Variants in SCN4B observed in about 807,000 individuals in gnomAD.
SCN4B encodes sodium channel regulatory subunit beta-4.
A neutral mutation model predicts 19.6 loss-of-function variants in SCN4B; 20 were observed. The ratio of observed to expected loss-of-function variants is 1.02; its 90% CI spans 0.72 to 1.48. SCN4B has a LOEUF of 1.48. Among genes scored for constraint, SCN4B ranks in the 40% most tolerant of loss-of-function variants. The pLI, the probability that SCN4B is intolerant of heterozygous loss-of-function variation, is 0.00. For synonymous variants in SCN4B, 127 were observed against 122.8 expected (o/e 1.03, Z -0.22); for missense variants, 271 against 287.5 (o/e 0.94, Z 0.42).
At chr11:118,137,925 G>A (rs1948040618) in intron 4 of SCN4B, among the ~76,000 whole-genome samples, 1 of 152,192 alleles carries the variant, frequency 6.6e-6, no homozygotes, top group South Asian at 2.1e-4. Flanking sequence ...CATGGAAGGG[G>A]CAGAGCAGGC....
intron 4 of SCN4B, among the ~76,000 whole-genome samples, chr11:118,139,889 TTTTTTTTTTTTCTTTTTTC>T (rs1948072030): frequency 1.6e-5 from 1 of 62,434 alleles, no homozygotes; most frequent in Non-Finnish European, 2.8e-5. Flanking sequence ...CTAGCATTCC[TTTTTTTTTTTTCTTTTTTC>T]TTTTTTTTTT....
chr11:118,149,290 G>C (rs1167581673), intron 1 of SCN4B, among the ~76,000 whole-genome samples: 1 of 152,196 alleles, frequency 6.6e-6, no homozygotes, highest in Admixed American at 6.5e-5. Context: ...AGGAAAGAGG[G>C]GCAGGCTGGT....
chr11:118,145,543 C>T (rs922383532), intron 1 of SCN4B: 2 of 1,175,838 alleles, frequency 1.7e-6, no homozygotes, highest in African/African-American at 1.6e-5. Context: ...GCCCCGGCTC[C>T]GCCCCTCACC....
Position 118,134,362 on chromosome 11 carries a change from C to T in SCN4B, c.*2665G>A, listed in dbSNP as rs771586041. On this transcript the variant is annotated 3_prime_UTR_variant, in exon 5 of 5. Coordinates refer to ENST00000324727, the MANE Select transcript of SCN4B (RefSeq NM_174934.4). Reference sequence around the variant, plus strand: ...TCTAGCCCACAAGCCCTGGAAGCCACCATCAGAGATTTGCATGCACTGAGG... The same window carrying T: ...TCTAGCCCACAAGCCCTGGAAGCCATCATCAGAGATTTGCATGCACTGAGG... 2.2e-6 allele frequency: 1 copy of T among 453,956 alleles called. No homozygotes were observed. The highest frequency in any genetic ancestry group is 2.3e-5 in the Admixed American group (1 of 42,556). 28.1% of individuals were successfully genotyped at this position (453,956 alleles called of 1,614,324 possible). A position where few individuals can be genotyped will look rare whatever the true frequency, so the allele number is the denominator to read the frequency against.
intron 2 of SCN4B, 90 bp downstream of exon 2, chr11:118,144,967 G>T: frequency 7.6e-7 from 1 of 1,315,116 alleles, no homozygotes; most frequent in Non-Finnish European, 1.1e-6. Flanking sequence ...GACCATCGCA[G>T]TGGGTCTCAG....
At chr11:118,145,021 A>G in intron 2 of SCN4B, 36 bp downstream of exon 2, 1 of 1,605,574 alleles carries the variant, frequency 6.2e-7, no homozygotes, top group South Asian at 1.1e-5. Flanking sequence ...TGGGTGAGGG[A>G]GGCTGGGCTG....
At chr11:118,139,467 AC>A in intron 4 of SCN4B, among the ~76,000 whole-genome samples, 1 of 152,306 alleles carries the variant, frequency 6.6e-6, no homozygotes, top group Admixed American at 6.5e-5. Context: ...TTATTTGTAT[AC>A]ACATTTATTT....
At chr11:118,150,635 T>G (rs892213926) in intron 1 of SCN4B, among the ~76,000 whole-genome samples, 41 of 152,166 alleles carry the variant, frequency 2.7e-4, no homozygotes, top group Non-Finnish European at 1.0e-4. Flanking sequence ...CAAGTCACCA[T>G]CCCTCTCTGG....
At chr11:118,149,464 C>T (rs563600199) in intron 1 of SCN4B, among the ~76,000 whole-genome samples, 1 of 152,304 alleles carries the variant, frequency 6.6e-6, no homozygotes, top group South Asian at 2.1e-4. Context: ...CAGGACCCCT[C>T]CTGGGGTGCA....
Position 118,135,751 on chromosome 11 carries a change from G to C in SCN4B, c.*1276C>G. ...GTTATGTCAGGACATACCGTCTAGA[G>C]AGGATGGGGGTAAGGGCTAGGATTC... On this transcript the variant is annotated 3_prime_UTR_variant, in exon 5 of 5. Transcript: ENST00000324727. The C allele has an allele frequency of 2.2e-6, 1 of 454,512 alleles. No homozygotes were observed. The highest frequency in any genetic ancestry group is 4.4e-6 in the Non-Finnish European group (1 of 226,788). 28.2% of individuals were successfully genotyped at this position (454,512 alleles called of 1,614,324 possible).
chr11:118,152,657 T>C lies in SCN4B; in HGVS notation c.17A>G (p.Asp6Gly). ...CCATCTCGCCGGGGCTTTGCCTCCGTCCCCAGCCCCGGGCATAGTCCTGTT... is the reference window on the plus strand; with the variant it reads ...CCATCTCGCCGGGGCTTTGCCTCCGCCCCCAGCCCCGGGCATAGTCCTGTT... Reference protein sequence around the residue: MPGAGDGGKAPARWLG... With the variant: MPGAGGGGKAPARWLG... The change falls in exon 1 of 5, where the codon GAC becomes GGC. Residue 6 changes from aspartate to glycine, a missense_variant. Coordinates refer to ENST00000324727, the MANE Select transcript of SCN4B (RefSeq NM_174934.4). The C allele has an allele frequency of 6.2e-7, 1 of 1,611,028 alleles. No individual in the cohort carries two copies. Among genetic ancestry groups the C allele is most frequent in the Non-Finnish European group, 8.5e-7 (1 of 1,178,340 alleles).
rs150312046 is a variant in SCN4B at position 118,137,107 on chromosome 11, C to A, written c.607G>T (p.Val203Leu). 4 of 1,613,100 alleles carry A rather than the reference C, an allele frequency of 2.5e-6. No individual in the cohort carries two copies. Among genetic ancestry groups the A allele is most frequent in the East Asian group, 2.2e-5 (1 of 44,872 alleles). ...GTGTTGTCATTCCCCGAGGAGCTCA[C>A]GAGACACTCCTTCCTGGAGAGGGAG... is the stretch of plus-strand genomic sequence containing the variant. ...KTREKKKECL[V>L]SSSGNDNTEN... The change falls in exon 5 of 5, where the codon GTG (valine) becomes TTG (leucine). Residue 203 changes from valine to leucine, a missense_variant. By Grantham distance (32) the Val-to-Leu change is conservative. Transcript: ENST00000324727.
rs1292647060 is a variant in SCN4B at position 118,136,787 on chromosome 11, C to T, written c.*240G>A. The T allele has an allele frequency of 4.7e-6, 3 of 637,330 alleles. No homozygotes were observed. The highest frequency in any genetic ancestry group is 1.5e-5 in the South Asian group (1 of 66,088). The allele number at this position is 637,330 out of a possible 1,614,324, so 39.5% of individuals were successfully genotyped here. A position where few individuals can be genotyped will look rare whatever the true frequency, so the allele number is the denominator to read the frequency against. On this transcript the variant is annotated 3_prime_UTR_variant, in exon 5 of 5. Coordinates refer to ENST00000324727, the MANE Select transcript of SCN4B (RefSeq NM_174934.4). ...CCCCTCCACACCACCCTAGCCTCTC[C>T]TTTCTTTCTCCTGAATCTTCCACAG...
chr11:118,138,591 C>T (rs1352109166), intron 4 of SCN4B, among the ~76,000 whole-genome samples: 1 of 152,176 alleles, frequency 6.6e-6, no homozygotes, highest in East Asian at 1.9e-4. Context: ...GTCCATAATT[C>T]TCTACTGAGA....
At chr11:118,140,034 G>C (rs940072913) in intron 4 of SCN4B, among the ~76,000 whole-genome samples, 3 of 151,856 alleles carry the variant, frequency 2.0e-5, no homozygotes, top group Non-Finnish European at 4.4e-5. Flanking sequence ...ATCCAGCTTA[G>C]CATGTCTTGT....
rs1333477883 is a variant in SCN4B at position 118,135,157 on chromosome 11, A to C, written c.*1870T>G. 6.6e-6 allele frequency: 3 copies of C among 454,012 alleles called. No individual in the cohort carries two copies. The highest frequency in any genetic ancestry group is 1.3e-5 in the Non-Finnish European group (3 of 226,800). The allele number at this position is 454,012 out of a possible 1,614,324, so 28.1% of individuals were successfully genotyped here. ...GGTCTGTCTGCTCCCAAAGCCAGGA[A>C]AATCTGAGCCCCAGCCCATGACAGG... is the stretch of plus-strand genomic sequence containing the variant. On this transcript the variant is annotated 3_prime_UTR_variant, in exon 5 of 5. Coordinates refer to ENST00000324727, the MANE Select transcript of SCN4B (RefSeq NM_174934.4).
chr11:118,145,569 T>C (rs1948162072), intron 1 of SCN4B: 4 of 908,806 alleles, frequency 4.4e-6, no homozygotes, highest in Non-Finnish European at 5.9e-6. Flanking sequence ...ACGCAGTGCC[T>C]GGAAGCGCTC....
rs899899623 is a variant in SCN4B, at chr11:118,143,737, C to T, written c.463+96G>A. The stretch of plus-strand genomic sequence containing the variant: ...GAAAGTGTAAAGCAAAAGAAAACAC[C>T]AACACGGTCCATTTTGCCATTTCAC... On this transcript the variant is annotated intron_variant, in intron 3 of 4. Transcript: ENST00000324727. 1.8e-5 allele frequency: 15 copies of T among 843,454 alleles called. No homozygotes were observed. In the African/African-American group the frequency reaches 2.2e-4, roughly 12 times the overall value. The allele number at this position is 843,454 out of a possible 1,614,324, so 52.2% of individuals were successfully genotyped here.
At position 118,137,111 on chromosome 11, in the gene SCN4B, A is replaced by G; in HGVS notation, c.603T>C (p.Cys201=). Residue 201 remains cysteine, a synonymous_variant, in exon 5 of 5, where the codon TGT becomes TGC. Coordinates refer to ENST00000324727, the MANE Select transcript of SCN4B (RefSeq NM_174934.4). ...TGTCATTCCCCGAGGAGCTCACGAG[A>G]CACTCCTTCCTGGAGAGGGAGAGAG... ...LKKTREKKKE[C]LVSSSGNDNT... The G allele has an allele frequency of 8.7e-6, 14 of 1,612,862 alleles. No homozygotes were observed. Among genetic ancestry groups the G allele is most frequent in the Non-Finnish European group, 1.2e-5 (14 of 1,178,850 alleles).
Sources: allele counts gnomAD v4.1 joint callset (sites outside exome capture counted in the v4.1 genomes callset), GRCh38; gene constraint gnomAD v4.1.1; transcripts MANE v1.5; gene names NCBI Gene and HGNC (gene_info 2026-07-23, HGNC 2026-07-21).